The following ZNF91 variants were observed in gnomAD, a reference collection of about 807,000 sequenced individuals.
ZNF91 encodes zinc finger protein 91 (HPF7, HTF10).
A neutral mutation model predicts 12.6 loss-of-function variants in ZNF91; 7 were observed. That is an observed-to-expected ratio of 0.55 (90% CI 0.31 to 1.04). The LOEUF is 1.04. ZNF91 is among the 50% of genes least tolerant of loss of function. The pLI, the probability that ZNF91 is intolerant of heterozygous loss-of-function variation, is 0.05. For missense variants in ZNF91, 1,217 were observed against 1,385.4 expected (o/e 0.88, Z 1.93); for synonymous variants, 453 against 462.6 (o/e 0.98, Z 0.27).
At chr19:23,387,603 G>A (rs1169503985) in intron 1 of ZNF91, among the ~76,000 whole-genome samples, 1 of 152,020 alleles carries the variant, frequency 6.6e-6, no homozygotes, top group African/African-American at 2.4e-5. Context: ...TAGGCATGGT[G>A]GCACACACCT....
chr19:23,395,304 C>G, intron 1 of ZNF91, 21 bp downstream of exon 1: 1 of 1,612,526 alleles, frequency 6.2e-7, no homozygotes, highest in African/African-American at 1.3e-5. Context: ...TCTCTCGGGA[C>G]GTCGCACCTG....
intron 1 of ZNF91, among the ~76,000 whole-genome samples, chr19:23,385,832 T>C (rs913363777): frequency 6.6e-6 from 1 of 152,226 alleles, no homozygotes; most frequent in Non-Finnish European, 1.5e-5. Flanking sequence ...GTAGTTCTTA[T>C]ATATCCCTAT....
rs772679951 is a variant in ZNF91 at position 23,360,418 on chromosome 19, TAG to T, written c.2559_2560del (p.Tyr854GlnfsTer3). 1.2e-6 allele frequency: 2 copies of T among 1,614,130 alleles called. No individual in the cohort carries two copies. Among genetic ancestry groups the T allele is most frequent in the Non-Finnish European group, 1.7e-6 (2 of 1,179,998 alleles). On this transcript the variant is annotated frameshift_variant, in exon 4 of 4. Coordinates refer to ENST00000300619, the MANE Select transcript of ZNF91 (RefSeq NM_003430.4). LOFTEE classifies it low-confidence loss of function (END_TRUNC). ...AGCTTTGCCACATTCCTCACATTTG[TAG>T]AGTTTCTCTCCAGCATGTATTATTT...
At chr19:23,384,714 C>A (rs954167589) in intron 1 of ZNF91, 2 of 606,052 alleles carry the variant, frequency 3.3e-6, no homozygotes. Context: ...TTCAAGGGAA[C>A]AATGAGCTTT....
intron 1 of ZNF91, among the ~76,000 whole-genome samples, chr19:23,333,085 CTCT>C: frequency 6.6e-6 from 1 of 152,244 alleles, no homozygotes; most frequent in East Asian, 1.9e-4. Context: ...ATGGGGGACT[CTCT>C]TATCTTTTGA....
rs1340413215 is a variant in ZNF91, at chr19:23,361,059, G to A, written c.1920C>T (p.Ser640=). The change falls in exon 4 of 4, where the codon AGC becomes AGT. Residue 640 remains serine, a synonymous_variant. Coordinates refer to ENST00000300619, the MANE Select transcript of ZNF91 (RefSeq NM_003430.4). Reference sequence around the variant, plus strand: ...TATGTTTAGCAAGGGCTGAAGAATGGCTAAAAGCTTTGCCACATTCTTCAC... The same window carrying A: ...TATGTTTAGCAAGGGCTGAAGAATGACTAAAAGCTTTGCCACATTCTTCAC... ...YKCEECGKAF[S]HSSALAKHKR... 16 of 1,603,140 alleles carry A rather than the reference G, an allele frequency of 1.0e-5. No homozygotes were observed. Among genetic ancestry groups the A allele is most frequent in the Non-Finnish European group, 1.4e-5 (16 of 1,173,274 alleles).
intron 1 of ZNF91, among the ~76,000 whole-genome samples, chr19:23,375,923 T>C (rs1465380630): frequency 6.6e-6 from 1 of 152,192 alleles, no homozygotes. Context: ...TAAAGTAAAT[T>C]ACAGTCTCAA....
intron 1 of ZNF91, among the ~76,000 whole-genome samples, chr19:23,384,112 A>AAAAATT (rs1242569294): frequency 1.3e-5 from 2 of 152,214 alleles, no homozygotes; most frequent in East Asian, 1.9e-4. Context: ...CCATCTAAAA[A>AAAAATT]AAAATTAAAA....
intron 3 of ZNF91, among the ~76,000 whole-genome samples, chr19:23,364,931 CAATT>C (rs57486395): frequency 0.29 from 44,217 of 151,776 alleles, 6,745 homozygotes; most frequent in East Asian, 0.38. Flanking sequence ...TTGACATGCA[CAATT>C]ATTATACTAA....
At chr19:23,351,357 A>T (rs1968361493) in intron 3 of ZNF91, among the ~76,000 whole-genome samples, 1 of 152,038 alleles carries the variant, frequency 6.6e-6, no homozygotes, top group Non-Finnish European at 1.5e-5. Flanking sequence ...AAAGAAAAGA[A>T]AAGAAAAATG....
At position 23,372,744 on chromosome 19, in the gene ZNF91, C is replaced by T. The variant is rs867105660; in HGVS notation, c.253+998G>A. The stretch of plus-strand genomic sequence containing the variant: ...TGCAGACTTTGGCCTTTACTGTGGT[C>T]CCTGAAGCAGGTCCATGATTCAGTT... On this transcript the variant is annotated intron_variant, in intron 3 of 3. Coordinates refer to ENST00000300619, the MANE Select transcript of ZNF91 (RefSeq NM_003430.4). 4.6e-5 allele frequency among the ~76,000 whole-genome samples: 7 copies of T among 152,304 alleles called. No homozygotes were observed. In the Middle Eastern group the frequency reaches 0.014, roughly 296 times the overall value.
At chr19:23,367,427 T>C (rs1431629343) in intron 3 of ZNF91, among the ~76,000 whole-genome samples, 1 of 150,608 alleles carries the variant, frequency 6.6e-6, no homozygotes, top group African/African-American at 2.5e-5. Context: ...AATAAAAAAC[T>C]CTTCAACATA....
chr19:23,368,510 ATCTCTCTCTCTCTCTCTCTCTCTCTCTC>A (rs573590418), intron 3 of ZNF91, among the ~76,000 whole-genome samples: 1 of 94,274 alleles, frequency 1.1e-5, no homozygotes, highest in African/African-American at 4.0e-5. Context: ...GCGAAACTCC[ATCTCTCTCTCTCTCTCTCTCTCTCTCTC>A]TCTCTCTCTC....
chr19:23,345,889 C>T lies in ZNF91; in HGVS notation c.254-6835G>A, dbSNP rs534593867. Among the ~76,000 whole-genome samples, 450 of 152,116 alleles carry T rather than the reference C, an allele frequency of 3.0e-3. 2 individuals are homozygous for T. The highest frequency in any genetic ancestry group is 0.011 in the African/African-American group (438 of 41,496). On this transcript the variant is annotated intron_variant, in intron 3 of 3. Transcript: ENST00000599743. ...TCTCCTGAGGCTTGTAAACCCATCC[C>T]GCCACTTTACACTCCTATCTATCCT...
At position 23,362,454 on chromosome 19, in the gene ZNF91, T is replaced by A; in HGVS notation, c.525A>T (p.Arg175Ser). 1 of 1,612,502 alleles carries A rather than the reference T, an allele frequency of 6.2e-7. No homozygotes were observed. The highest frequency in any genetic ancestry group is 1.1e-5 in the South Asian group (1 of 90,780). ...KFLNSNRHTI[R>S]HTGKKCFKCK... ...ATTTGAAGCATTTCTTTCCAGTATG[T>A]CTTATCGTATGTCTGTTTGAATTTA... The change falls in exon 4 of 4, where the codon AGA (arginine) becomes AGT (serine). Residue 175 changes from arginine (R) to serine (S), a missense_variant. Coordinates refer to ENST00000300619, the MANE Select transcript of ZNF91 (RefSeq NM_003430.4).
intron 3 of ZNF91, 49 bp from the exon 4 acceptor site, chr19:23,362,774 C>A: frequency 7.4e-7 from 1 of 1,359,114 alleles, no homozygotes; most frequent in South Asian, 2.3e-5. Flanking sequence ...CACCTAGACT[C>A]ACATGAATAT....
chr19:23,354,303 T>G (rs967950482), downstream of ZNF91, among the ~76,000 whole-genome samples: 1 of 152,148 alleles, frequency 6.6e-6, no homozygotes, highest in Non-Finnish European at 1.5e-5. Flanking sequence ...TATGCAGGGA[T>G]GGTTTAACAC....
At chr19:23,384,150 C>A (rs1410456250) in intron 1 of ZNF91, among the ~76,000 whole-genome samples, 1 of 152,150 alleles carries the variant, frequency 6.6e-6, no homozygotes, top group African/African-American at 2.4e-5. Context: ...TAAACAGGAA[C>A]AGAGGAGGTC....
At chr19:23,373,917 A>G in intron 2 of ZNF91, 80 bp from the exon 3 acceptor site, 1 of 789,474 alleles carries the variant, frequency 1.3e-6, no homozygotes, top group South Asian at 2.8e-5. Context: ...AGTAAAGAGC[A>G]TATAATAGAA....
Sources: gnomAD v4.1 joint callset for allele counts (sites outside exome capture counted in the v4.1 genomes callset) on GRCh38, gnomAD v4.1.1 for gene constraint, MANE v1.5 for transcripts, NCBI Gene and HGNC (gene_info 2026-07-23, HGNC 2026-07-21) for gene names.